The following RAB18 variants were observed in gnomAD, a reference collection of about 807,000 sequenced individuals.
RAB18 encodes the protein ras-related protein Rab-18.
Under a neutral mutation model 28.5 loss-of-function variants are expected in RAB18, and 10 were observed. The observed-to-expected ratio is 0.35, with a 90% confidence interval of 0.22 to 0.60. RAB18 has a LOEUF of 0.60. Ranked by LOEUF, RAB18 falls within the 20% of genes least tolerant of loss-of-function variation. The probability of loss-of-function intolerance (pLI) is 0.78; values close to 1 mark genes in which losing one functional copy is unlikely to be tolerated. For synonymous variants in RAB18, 93 were observed against 86.9 expected (o/e 1.07, Z -0.39); for missense variants, 188 against 244.2 (o/e 0.77, Z 1.53).
chr10:27,533,869 CTT>C lies in RAB18; in HGVS notation c.378+17_378+18del, dbSNP rs759400796. Reference sequence around the variant, plus strand: ...AATCGATAAGGTAAGAAGGCAGACACTTGGCATTTTGGTTCTATATTTTGGTA... The same window carrying C: ...AATCGATAAGGTAAGAAGGCAGACACGGCATTTTGGTTCTATATTTTGGTA... On this transcript the variant is annotated intron_variant, in intron 5 of 6. Transcript: ENST00000356940. 2.5e-6 allele frequency: 4 copies of C among 1,610,622 alleles called. No homozygotes were observed. In the South Asian group the frequency reaches 4.4e-5, roughly 18 times the overall value.
chr10:27,505,197 C>T, intron 1 of RAB18: 1 of 522,966 alleles, frequency 1.9e-6, no homozygotes, highest in Non-Finnish European at 3.9e-6. Flanking sequence ...TAAGGTAAGA[C>T]ATGGATCTAG....
rs116978295 is a variant in RAB18 at position 27,539,641 on chromosome 10, G to A, written c.*1590G>A. On this transcript the variant is annotated 3_prime_UTR_variant, in exon 7 of 7. Transcript: ENST00000356940. ...AGATTTGTGTATTTATGTAGAGTCT[G>A]TATTGACAAGACTGTTGTTTTTTGC... 2.2e-6 allele frequency: 1 copy of A among 453,378 alleles called. No individual in the cohort carries two copies. Among genetic ancestry groups the A allele is most frequent in the East Asian group, 6.9e-5 (1 of 14,396 alleles). The allele number at this position is 453,378 out of a possible 1,614,324, so 28.1% of individuals were successfully genotyped here.
chr10:27,539,956 G>T lies in RAB18; in HGVS notation c.*1905G>T. 1 of 453,456 alleles carries T rather than the reference G, an allele frequency of 2.2e-6. No individual in the cohort carries two copies. The allele number at this position is 453,456 out of a possible 1,614,324, so 28.1% of individuals were successfully genotyped here. A position where few individuals can be genotyped will look rare whatever the true frequency, so the allele number is the denominator to read the frequency against. ...TTTGTTGCAAGCTTAGTGTTTTGTA[G>T]TGGAGGTTTTGTAAATGAAACAGTT... is the stretch of plus-strand genomic sequence containing the variant. On this transcript the variant is annotated 3_prime_UTR_variant, in exon 7 of 7. Transcript: ENST00000356940.
At position 27,506,984 on chromosome 10, in the gene RAB18, A is replaced by T. The variant is rs557815908; in HGVS notation, c.68+2547A>T. Among the ~76,000 whole-genome samples the T allele has an allele frequency of 1.4e-4, 21 of 152,342 alleles. 1 individual carries two copies. The East Asian group carries it at 3.9e-3, about 28-fold the overall frequency. On this transcript the variant is annotated intron_variant, in intron 1 of 6. Transcript: ENST00000356940. ...AGTTGTCTTATTTGTCTAGCTAGAT[A>T]TACATTATTGGCCTGTGTGATATGC...
chr10:27,505,703 G>A (rs1019631746), intron 1 of RAB18, among the ~76,000 whole-genome samples: 3 of 152,164 alleles, frequency 2.0e-5, no homozygotes, highest in African/African-American at 7.2e-5. Flanking sequence ...GGGACTACAG[G>A]CGCGCACTAT....
chr10:27,515,953 A>G (rs1193936594), intron 2 of RAB18, among the ~76,000 whole-genome samples: 1 of 151,952 alleles, frequency 6.6e-6, no homozygotes, highest in Non-Finnish European at 1.5e-5. Context: ...TAAACTTTTC[A>G]TTATCTGTGA....
chr10:27,528,126 G>A (rs1319527556), intron 3 of RAB18, among the ~76,000 whole-genome samples: 2 of 152,012 alleles, frequency 1.3e-5, no homozygotes, highest in South Asian at 2.1e-4. Context: ...ATCCCTTTCC[G>A]GCCTTGCTGC....
rs142609338 is a variant in RAB18, at chr10:27,533,727, T to TA, written c.260-7dup. ...TGCTTATTTAACAAATGACTCCTTTTATTTCAGTTTATGATGTCACAAGAA... is the reference window on the plus strand; with the variant it reads ...TGCTTATTTAACAAATGACTCCTTTTAATTTCAGTTTATGATGTCACAAGAA... On this transcript the variant is annotated splice_region_variant and splice_polypyrimidine_tract_variant and intron_variant, in intron 4 of 6. Coordinates refer to ENST00000356940, the MANE Select transcript of RAB18 (RefSeq NM_021252.5). The TA allele has an allele frequency of 0.023, 37,504 of 1,612,586 alleles. 4,180 individuals carry two copies. In the East Asian group the frequency reaches 0.37, roughly 16 times the overall value.
Position 27,533,773 on chromosome 10 carries a change from G to A in RAB18, c.298G>A (p.Asp100Asn), listed in dbSNP as rs748274360. The change falls in exon 5 of 7, where the codon GAT becomes AAT. Residue 100 changes from aspartate (D) to asparagine (N), a missense_variant. By Grantham distance (23) the Asp-to-Asn change is conservative. Transcript: ENST00000356940. ...VTRRDTFVKL[D>N]NWLNELETYC... Reference sequence around the variant, plus strand: ...AAGAAGAGATACATTTGTTAAACTGGATAATTGGTTAAATGAATTGGAAAC... The same window carrying A: ...AAGAAGAGATACATTTGTTAAACTGAATAATTGGTTAAATGAATTGGAAAC... 6.2e-7 allele frequency: 1 copy of A among 1,613,588 alleles called. No homozygotes were observed. Among genetic ancestry groups the A allele is most frequent in the Admixed American group, 1.7e-5 (1 of 60,010 alleles).
chr10:27,531,600 G>A, intron 3 of RAB18: 1 of 1,019,542 alleles, frequency 9.8e-7, no homozygotes. Flanking sequence ...TCCTGAAGTG[G>A]GCCATGTGGC....
rs1356373775 is a variant in RAB18, at chr10:27,535,451, C to T, written c.445+1457C>T. Among the ~76,000 whole-genome samples, 26 of 152,034 alleles carry T rather than the reference C, an allele frequency of 1.7e-4. 1 individual carries two copies. Among genetic ancestry groups the T allele is most frequent in the Non-Finnish European group, 2.9e-5 (2 of 68,024 alleles). On this transcript the variant is annotated intron_variant, in intron 6 of 6. Transcript: ENST00000356940. ...GAATCAGGCTACTGTGTTAAAGGAA[C>T]AGGAAGAAAGCGTGTGTACTGGAGC...
intron 6 of RAB18, 124 bp from the exon 7 acceptor site, chr10:27,537,746 GGGAAAA>G: frequency 1.4e-6 from 1 of 737,042 alleles, no homozygotes; most frequent in Non-Finnish European, 2.2e-6. Context: ...TTGACCTTTG[GGGAAAA>G]ATTGCTGATT....
chr10:27,532,425 C>T, intron 3 of RAB18, 82 bp from the exon 4 acceptor site: 1 of 1,011,038 alleles, frequency 9.9e-7, no homozygotes, highest in South Asian at 1.4e-5. Flanking sequence ...TTTAGTAATG[C>T]TGTTTGACTT....
chr10:27,504,470 G>T, intron 1 of RAB18, 33 bp downstream of exon 1: 1 of 1,553,530 alleles, frequency 6.4e-7, no homozygotes, highest in African/African-American at 1.4e-5. Context: ...GACGAGGGTG[G>T]CTGGGCTCTT....
chr10:27,517,122 G>C (rs1329833050), intron 2 of RAB18, among the ~76,000 whole-genome samples: 1 of 152,154 alleles, frequency 6.6e-6, no homozygotes, highest in Non-Finnish European at 1.5e-5. Context: ...CAGCACTTTG[G>C]GATGCTGAGG....
chr10:27,510,529 GT>G (rs2138972541), intron 2 of RAB18: 1 of 157,608 alleles, frequency 6.3e-6, no homozygotes, highest in Non-Finnish European at 1.4e-5. Flanking sequence ...ATAGAGGTAA[GT>G]ATTTTGGTAT....
At position 27,510,984 on chromosome 10, in the gene RAB18, A is replaced by T. The variant is rs182258135; in HGVS notation, c.124+1054A>T. 3.9e-3 allele frequency among the ~76,000 whole-genome samples: 586 copies of T among 152,162 alleles called. 14 individuals are homozygous for T. The highest frequency in any genetic ancestry group is 0.032 in the Admixed American group (494 of 15,280). On this transcript the variant is annotated intron_variant, in intron 2 of 6. Coordinates refer to ENST00000356940, the MANE Select transcript of RAB18 (RefSeq NM_021252.5). ...CTCTCTACACACAGTATTCTTTTTT[A>T]AAAAAATGAGAGTAGATTGTAGACA...
chr10:27,531,320 G>T (rs1018640684), intron 3 of RAB18, among the ~76,000 whole-genome samples: 4 of 151,948 alleles, frequency 2.6e-5, no homozygotes, highest in Admixed American at 6.6e-5. Context: ...GGTTATAAAT[G>T]ACTGCAGATC....
chr10:27,529,299 A>T (rs1355253599), intron 3 of RAB18, among the ~76,000 whole-genome samples: 6 of 151,906 alleles, frequency 3.9e-5, no homozygotes, highest in African/African-American at 1.4e-4. Flanking sequence ...ATATGGTTGG[A>T]TCAGCTATTT....
Sources: allele counts gnomAD v4.1 joint callset (sites outside exome capture counted in the v4.1 genomes callset), GRCh38; gene constraint gnomAD v4.1.1; transcripts MANE v1.5; gene names NCBI Gene and HGNC (gene_info 2026-07-23, HGNC 2026-07-21).